NLGN4X: variants seen among roughly 807,000 people sequenced by gnomAD.
The protein encoded by NLGN4X is neuroligin 4 X-linked.
In NLGN4X, 3 loss-of-function variants were observed where a neutral mutation model predicts 40.3. That is an observed-to-expected ratio of 0.07 (90% confidence interval 0.03 to 0.19). NLGN4X has a LOEUF of 0.19. Ranked by LOEUF, NLGN4X falls within the 10% of genes least tolerant of loss-of-function variation. The pLI is 1.00. For synonymous variants in NLGN4X, 270 were observed against 306.8 expected (o/e 0.88, Z 1.25); for missense variants, 382 against 708.3 (o/e 0.54, Z 5.23).
chrX:5,960,850 C>T (rs936920949), intron 3 of NLGN4X, among the ~76,000 whole-genome samples: 2 of 111,209 alleles, frequency 1.8e-5, no homozygotes, highest in Non-Finnish European at 3.8e-5. Context: ...GGGCAAGGTT[C>T]TAGCAAGTTC....
At chrX:5,938,993 G>GTGTGTGTT (rs1344479169) in intron 3 of NLGN4X, among the ~76,000 whole-genome samples, 6 of 109,711 alleles carry the variant, frequency 5.5e-5, no homozygotes, top group African/African-American at 2.0e-4. Context: ...GTGTGTGTGT[G>GTGTGTGTT]TACTTCATAC....
intron 2 of NLGN4X, among the ~76,000 whole-genome samples, chrX:6,080,306 C>A (rs1364082230): frequency 9.0e-6 from 1 of 111,646 alleles, no homozygotes; most frequent in Non-Finnish European, 1.9e-5. Flanking sequence ...AAGAAACTCT[C>A]CTTAAGTTCC....
At chrX:6,051,347 G>C (rs1384895874) in intron 2 of NLGN4X, among the ~76,000 whole-genome samples, 2 of 111,677 alleles carry the variant, frequency 1.8e-5, no homozygotes, top group Non-Finnish European at 3.8e-5. Flanking sequence ...CAAAACCATG[G>C]ATAAAAAGGT....
chrX:5,907,954 TAGTG>T (rs779680683), intron 4 of NLGN4X, among the ~76,000 whole-genome samples: 1 of 79,173 alleles, frequency 1.3e-5, no homozygotes, highest in African/African-American at 5.1e-5. Context: ...GGAAAGGAGA[TAGTG>T]AGTAAGAGAG....
intron 2 of NLGN4X, among the ~76,000 whole-genome samples, chrX:6,135,665 TG>T (rs2039798617): frequency 9.0e-6 from 1 of 111,480 alleles, no homozygotes; most frequent in Admixed American, 9.6e-5. Context: ...AGACATTGGT[TG>T]GCATGCAACT....
rs766542143 is a variant in NLGN4X, at chrX:6,029,436, G to GA, written c.473-5dup. The GA allele has an allele frequency of 3.7e-5, 44 of 1,202,725 alleles. 1 individual carries two copies. The highest frequency in any genetic ancestry group is 2.4e-4 in the Admixed American group (11 of 45,059). On this transcript the variant is annotated splice_region_variant and splice_polypyrimidine_tract_variant and intron_variant, in intron 2 of 5. Transcript: ENST00000381095. ...TTACTGTTCTGATCATGAATATCTGGAAAAAAAAGCCAAGTAAGGAAACAC... is the reference window on the plus strand; with the variant it reads ...TTACTGTTCTGATCATGAATATCTGGAAAAAAAAAGCCAAGTAAGGAAACAC...
At chrX:6,111,063 T>A (rs2039138017) in intron 2 of NLGN4X, among the ~76,000 whole-genome samples, 1 of 111,997 alleles carries the variant, frequency 8.9e-6, no homozygotes, top group African/African-American at 3.2e-5. Context: ...CAATGAGCTG[T>A]TACAAACCAT....
intron 2 of NLGN4X, among the ~76,000 whole-genome samples, chrX:6,140,577 CTCTTT>C (rs1334611780): frequency 1.8e-5 from 2 of 109,720 alleles, no homozygotes; most frequent in East Asian, 2.9e-4. Flanking sequence ...GGAAATGTTT[CTCTTT>C]TATTTCTTTT....
chrX:5,901,180 TACC>T (rs771251975), intron 5 of NLGN4X, among the ~76,000 whole-genome samples: 366 of 111,892 alleles, frequency 3.3e-3, no homozygotes, highest in Non-Finnish European at 5.6e-3. Context: ...AACCACTCCC[TACC>T]CAAACCACTT....
chrX:6,080,650 A>T (rs185141329), intron 2 of NLGN4X, among the ~76,000 whole-genome samples: 189 of 111,585 alleles, frequency 1.7e-3, no homozygotes, highest in Non-Finnish European at 3.1e-3. Flanking sequence ...GTTCTGCTGA[A>T]AGACACCCCA....
At chrX:5,969,861 G>C (rs1315738568) in intron 3 of NLGN4X, among the ~76,000 whole-genome samples, 1 of 109,963 alleles carries the variant, frequency 9.1e-6, no homozygotes, top group Non-Finnish European at 1.9e-5. Context: ...TGATGAGTTC[G>C]TGTCCTTTGT....
chrX:6,098,217 C>G (rs2038826415), intron 2 of NLGN4X, among the ~76,000 whole-genome samples: 1 of 111,942 alleles, frequency 8.9e-6, no homozygotes, highest in Admixed American at 9.4e-5. Flanking sequence ...ATTGCTTGAG[C>G]CCAGGAGTTG....
intron 2 of NLGN4X, among the ~76,000 whole-genome samples, chrX:6,104,761 A>G (rs765938242): frequency 2.3e-4 from 26 of 111,758 alleles, no homozygotes; most frequent in Non-Finnish European, 4.5e-4. Flanking sequence ...GATGGCAGAA[A>G]GAAACAGATG....
intron 3 of NLGN4X, among the ~76,000 whole-genome samples, chrX:5,911,328 G>A (rs2032467444): frequency 8.9e-6 from 1 of 111,883 alleles, no homozygotes; most frequent in Non-Finnish European, 1.9e-5. Flanking sequence ...TCAACACGCA[G>A]GAAATCATTG....
chrX:6,060,851 T>C (rs2037750612), intron 2 of NLGN4X, among the ~76,000 whole-genome samples: 1 of 111,843 alleles, frequency 8.9e-6, no homozygotes, highest in South Asian at 3.7e-4. Flanking sequence ...AACCCAACAA[T>C]AGAACACCTT....
intron 3 of NLGN4X, among the ~76,000 whole-genome samples, chrX:5,955,701 CA>C (rs1300662667): frequency 9.4e-6 from 1 of 106,232 alleles, no homozygotes; most frequent in Non-Finnish European, 1.9e-5. Flanking sequence ...CATTGTATGA[CA>C]TTACCCCAGG....
At chrX:5,927,587 A>G (rs904956793) in intron 3 of NLGN4X, among the ~76,000 whole-genome samples, 1 of 112,443 alleles carries the variant, frequency 8.9e-6, no homozygotes, top group African/African-American at 3.2e-5. Context: ...AATTTACTTT[A>G]CTTCTTGCAG....
chrX:6,022,531 T>C lies in NLGN4X; in HGVS notation c.625+6749A>G, dbSNP rs183813460. 3.8e-3 allele frequency among the ~76,000 whole-genome samples: 423 copies of C among 112,140 alleles called. 4 individuals carry two copies. The highest frequency in any genetic ancestry group is 0.013 in the African/African-American group (404 of 30,907). The stretch of plus-strand genomic sequence containing the variant: ...TCATTTATAAGATAGCTTGACATTT[T>C]TCAGCAGGTGTGCTTCAGGGAAATT... On this transcript the variant is annotated intron_variant, in intron 3 of 5. Coordinates refer to ENST00000381095, the MANE Select transcript of NLGN4X (RefSeq NM_181332.3).
intron 2 of NLGN4X, among the ~76,000 whole-genome samples, chrX:6,060,135 T>C (rs1007659980): frequency 3.6e-5 from 4 of 112,200 alleles, no homozygotes; most frequent in Non-Finnish European, 5.6e-5. Flanking sequence ...AAAATTGTAC[T>C]AACACACACA....
Sources: allele counts gnomAD v4.1 joint callset (sites outside exome capture counted in the v4.1 genomes callset), GRCh38; gene constraint gnomAD v4.1.1; transcripts MANE v1.5; gene names NCBI Gene and HGNC (gene_info 2026-07-23, HGNC 2026-07-21).